The following DAB2IP variants were observed in gnomAD, a reference collection of about 807,000 sequenced individuals.
The protein encoded by DAB2IP is DAB2 interacting protein, also known as disabled homolog 2-interacting protein.
A neutral mutation model predicts 107.2 loss-of-function variants in DAB2IP; 28 were observed. The observed-to-expected ratio is 0.26, with a 90% CI of 0.19 to 0.36. The LOEUF is 0.36. DAB2IP is among the 10% of genes least tolerant of loss of function. The pLI, the probability that DAB2IP is intolerant of heterozygous loss-of-function variation, is 1.00. For synonymous variants in DAB2IP, 755 were observed against 706.4 expected (o/e 1.07, Z -1.09); for missense variants, 1,400 against 1,644.7 (o/e 0.85, Z 2.57).
chr9:121,727,649 A>G (rs1388831055), intron 3 of DAB2IP, among the ~76,000 whole-genome samples: 1 of 152,186 alleles, frequency 6.6e-6, no homozygotes, highest in Non-Finnish European at 1.5e-5. Context: ...TCTGAGCCTC[A>G]ATTTCTTGGC....
chr9:121,716,773 A>C (rs550921277), intron 3 of DAB2IP, among the ~76,000 whole-genome samples: 1 of 152,292 alleles, frequency 6.6e-6, no homozygotes, highest in South Asian at 2.1e-4. Context: ...CAGATTGGCC[A>C]AAGACCAAGA....
At chr9:121,746,370 G>T (rs1382882561) in intron 3 of DAB2IP, among the ~76,000 whole-genome samples, 1 of 152,192 alleles carries the variant, frequency 6.6e-6, no homozygotes, top group Non-Finnish European at 1.5e-5. Flanking sequence ...AGGCACACAG[G>T]TTAATTAATT....
chr9:121,712,072 G>A (rs1445123316), intron 3 of DAB2IP, among the ~76,000 whole-genome samples: 1 of 152,210 alleles, frequency 6.6e-6, no homozygotes, highest in African/African-American at 2.4e-5. Context: ...CCATGGATAG[G>A]TTTGCCGGAG....
At chr9:121,676,595 T>C (rs1003758934) in intron 1 of DAB2IP, among the ~76,000 whole-genome samples, 1 of 151,064 alleles carries the variant, frequency 6.6e-6, no homozygotes, top group African/African-American at 2.4e-5. Context: ...GAGGTGGAGA[T>C]GCAACCAGCT....
chr9:121,697,983 C>T (rs1589535153), intron 2 of DAB2IP, among the ~76,000 whole-genome samples: 1 of 152,132 alleles, frequency 6.6e-6, no homozygotes, highest in East Asian at 1.9e-4. Context: ...TCTGTCTGTG[C>T]GGGTGACATG....
intron 1 of DAB2IP, among the ~76,000 whole-genome samples, chr9:121,581,248 G>A (rs931141084): frequency 6.6e-6 from 1 of 152,142 alleles, no homozygotes; most frequent in African/African-American, 2.4e-5. Flanking sequence ...CAGAGCCAAG[G>A]GGGTAGTGGG....
intron 3 of DAB2IP, among the ~76,000 whole-genome samples, chr9:121,714,969 T>G (rs1452915059): frequency 6.6e-6 from 1 of 152,182 alleles, no homozygotes; most frequent in Admixed American, 6.5e-5. Context: ...TCCTAAGAAG[T>G]GGATATTTCT....
intron 10 of DAB2IP, among the ~76,000 whole-genome samples, chr9:121,769,328 C>G (rs997054985): frequency 1.3e-5 from 2 of 152,238 alleles, no homozygotes; most frequent in African/African-American, 4.8e-5. Flanking sequence ...TGGTATGCAG[C>G]CTTCTGGACA....
chr9:121,720,023 G>T (rs1390701360), intron 3 of DAB2IP, among the ~76,000 whole-genome samples: 1 of 152,206 alleles, frequency 6.6e-6, no homozygotes, highest in Non-Finnish European at 1.5e-5. Flanking sequence ...GAACCAGATT[G>T]TTCACCAAGC....
In DAB2IP at chr9:121,760,271, C is replaced by T. The variant is rs41273442; in HGVS notation, c.1002C>T (p.Tyr334=). ...CCATGATCCGCATCAAGGCGCGCTA[C>T]CAAACCATCACCATCCTGCCCATGG... The change falls in exon 6 of 16, where the codon TAC becomes TAT. Residue 334 remains tyrosine, a synonymous_variant. Coordinates refer to ENST00000408936, the Ensembl canonical transcript of DAB2IP. This position sits in a 1 kb window ranked among gnomAD's most constrained non-coding sequence, Gnocchi z 5.9. The T allele has an allele frequency of 9.9e-3, 15,901 of 1,613,940 alleles. 109 individuals are homozygous for T. Among genetic ancestry groups the T allele is most frequent in the Non-Finnish European group, 0.012 (13,991 of 1,180,024 alleles).
At chr9:121,754,660 T>C (rs1833352272) in intron 3 of DAB2IP, among the ~76,000 whole-genome samples, 1 of 152,068 alleles carries the variant, frequency 6.6e-6, no homozygotes, top group Non-Finnish European at 1.5e-5. Context: ...AGCATGCTTG[T>C]GGGACATGGT....
intron 1 of DAB2IP, among the ~76,000 whole-genome samples, chr9:121,609,567 T>C (rs1357518263): frequency 1.3e-5 from 2 of 152,208 alleles, no homozygotes; most frequent in Non-Finnish European, 2.9e-5. Flanking sequence ...GCCCTCTAAC[T>C]TGTATGTTTA....
At chr9:121,604,885 C>T (rs148380542) in intron 1 of DAB2IP, among the ~76,000 whole-genome samples, 1 of 152,344 alleles carries the variant, frequency 6.6e-6, no homozygotes, top group East Asian at 1.9e-4. Flanking sequence ...GCCGTGCCTG[C>T]ACCCCCCTCC....
intron 1 of DAB2IP, among the ~76,000 whole-genome samples, chr9:121,571,790 G>A (rs1297892490): frequency 6.6e-6 from 1 of 151,928 alleles, no homozygotes; most frequent in East Asian, 1.9e-4. Flanking sequence ...CTGGCGGTGG[G>A]AGCCCCTTAG....
At chr9:121,568,052 G>A (rs1829849902) in intron 1 of DAB2IP, among the ~76,000 whole-genome samples, 1 of 152,174 alleles carries the variant, frequency 6.6e-6, no homozygotes. Context: ...GAGAAGTCCT[G>A]TTGGCCTCGG....
chr9:121,576,803 T>C (rs901368590), intron 1 of DAB2IP, among the ~76,000 whole-genome samples: 3 of 152,104 alleles, frequency 2.0e-5, no homozygotes, highest in Non-Finnish European at 2.9e-5. Context: ...CTGAAGGGCC[T>C]GCAGGGCCAT....
chr9:121,736,371 T>G lies in DAB2IP; in HGVS notation c.363-20642T>G. On this transcript the variant is annotated intron_variant, in intron 3 of 15. Transcript: ENST00000408936. This position sits in a 1 kb window ranked among gnomAD's most constrained non-coding sequence, Gnocchi z 4.6. ...GACTCGCACGAAGGTGGGGAAGGAGTTGCAAGGCAGAGACCCCCGAACCCC... is the reference window on the plus strand; with the variant it reads ...GACTCGCACGAAGGTGGGGAAGGAGGTGCAAGGCAGAGACCCCCGAACCCC... Among the ~76,000 whole-genome samples, 2 of 150,302 alleles carry G rather than the reference T, an allele frequency of 1.3e-5. No individual in the cohort carries two copies. The highest frequency in any genetic ancestry group is 2.0e-4 in the East Asian group (1 of 5,106).
intron 3 of DAB2IP, among the ~76,000 whole-genome samples, chr9:121,739,550 T>TG (rs1312649555): frequency 2.6e-5 from 4 of 151,826 alleles, no homozygotes; most frequent in Non-Finnish European, 5.9e-5. Flanking sequence ...CTGGGGAAGA[T>TG]GGAGAGGAGT....
chr9:121,762,593 C>T (rs148962004), intron 6 of DAB2IP, among the ~76,000 whole-genome samples: 15 of 152,318 alleles, frequency 9.8e-5, no homozygotes, highest in South Asian at 2.1e-4. Context: ...TCGTGCATGT[C>T]GGAGTGAGGA....
Sources: allele counts gnomAD v4.1 joint callset (sites outside exome capture counted in the v4.1 genomes callset), GRCh38; gene constraint gnomAD v4.1.1; non-coding constraint Gnocchi (gnomAD v3.1); transcripts MANE v1.5; gene names NCBI Gene and HGNC (gene_info 2026-07-23, HGNC 2026-07-21).